The following IQCM variants were observed in gnomAD, a reference collection of about 807,000 sequenced individuals.
The protein encoded by IQCM is IQ domain-containing protein M.
Under a neutral mutation model 57.6 loss-of-function variants are expected in IQCM, and 45 were observed. The observed-to-expected ratio is 0.78, with a 90% CI of 0.62 to 1.00. The LOEUF is 1.00. Ranked by LOEUF, IQCM falls within the 50% of genes least tolerant of loss-of-function variation. The pLI is 0.00. For missense variants in IQCM, 468 were observed against 511.6 expected (o/e 0.91, Z 0.82); for synonymous variants, 148 against 158.9 (o/e 0.93, Z 0.51).
intron 12 of IQCM, among the ~76,000 whole-genome samples, chr4:149,512,455 T>C (rs1744526750): frequency 6.6e-6 from 1 of 152,214 alleles, no homozygotes; most frequent in South Asian, 2.1e-4. Flanking sequence ...CAGATACTTA[T>C]TTAGCTTAAC....
chr4:149,408,637 T>C (rs1215381326), intron 13 of IQCM, among the ~76,000 whole-genome samples: 1 of 152,196 alleles, frequency 6.6e-6, no homozygotes, highest in African/African-American at 2.4e-5. Flanking sequence ...GTTCCAAATA[T>C]GTTTTTGATT....
intron 5 of IQCM, among the ~76,000 whole-genome samples, chr4:149,715,652 T>C (rs1236778498): frequency 1.3e-5 from 2 of 152,204 alleles, no homozygotes; most frequent in African/African-American, 2.4e-5. Flanking sequence ...CCGGAGTTCT[T>C]GTCCCATGTC....
intron 9 of IQCM, among the ~76,000 whole-genome samples, chr4:149,586,474 T>C (rs1452307287): frequency 6.6e-6 from 1 of 151,674 alleles, no homozygotes; most frequent in Non-Finnish European, 1.5e-5. Context: ...CTGATATTGG[T>C]AATTTGTGTT....
At chr4:149,663,869 C>G (rs1222129166) in intron 7 of IQCM, among the ~76,000 whole-genome samples, 1 of 152,046 alleles carries the variant, frequency 6.6e-6, no homozygotes, top group African/African-American at 2.4e-5. Context: ...ATGATCATGT[C>G]TTTCCCTAGA....
At chr4:149,421,305 T>G (rs938689626) in intron 13 of IQCM, among the ~76,000 whole-genome samples, 1 of 152,138 alleles carries the variant, frequency 6.6e-6, no homozygotes. Flanking sequence ...AATTATTTTT[T>G]GCACAGATAT....
At chr4:149,372,372 T>A (rs1403075311) in intron 13 of IQCM, among the ~76,000 whole-genome samples, 1 of 152,146 alleles carries the variant, frequency 6.6e-6, no homozygotes, top group Non-Finnish European at 1.5e-5. Flanking sequence ...AGGTGTTCCA[T>A]GAATTTTAGA....
At chr4:149,759,669 A>T (rs1282282861) in intron 2 of IQCM, among the ~76,000 whole-genome samples, 2 of 152,116 alleles carry the variant, frequency 1.3e-5, no homozygotes, top group Non-Finnish European at 2.9e-5. Context: ...TCATTTTTTT[A>T]AAAAAGAATA....
At chr4:149,484,250 C>A (rs958974581) in intron 12 of IQCM, among the ~76,000 whole-genome samples, 40 of 151,894 alleles carry the variant, frequency 2.6e-4, no homozygotes, top group African/African-American at 9.6e-4. Context: ...GTTTTTTCAT[C>A]CATTCAGCCG....
At chr4:149,707,236 A>G (rs1399039056) in intron 5 of IQCM, among the ~76,000 whole-genome samples, 1 of 152,082 alleles carries the variant, frequency 6.6e-6, no homozygotes, top group East Asian at 1.9e-4. Flanking sequence ...AGTGCCTGCC[A>G]TGTCATTTAT....
intron 2 of IQCM, among the ~76,000 whole-genome samples, chr4:149,744,542 A>G (rs913154637): frequency 6.6e-6 from 1 of 152,160 alleles, no homozygotes; most frequent in Non-Finnish European, 1.5e-5. Flanking sequence ...CTTTTAATGC[A>G]AAAAACTAGC....
At chr4:149,463,614 G>A (rs973659772) in intron 12 of IQCM, among the ~76,000 whole-genome samples, 2 of 152,140 alleles carry the variant, frequency 1.3e-5, no homozygotes, top group African/African-American at 4.8e-5. Flanking sequence ...TTATGAAATT[G>A]TGATGGCTAA....
At chr4:149,432,622 A>T (rs1734978460) in intron 13 of IQCM, among the ~76,000 whole-genome samples, 1 of 152,016 alleles carries the variant, frequency 6.6e-6, no homozygotes, top group Non-Finnish European at 1.5e-5. Context: ...ATAAAGAAAC[A>T]CATAGTAAAT....
chr4:149,790,196 G>A (rs1200067364), intron 2 of IQCM: 1 of 391,232 alleles, frequency 2.6e-6, no homozygotes, highest in Non-Finnish European at 4.8e-6. Context: ...AGAACATGAA[G>A]AATATTGAAC....
chr4:149,403,921 T>C (rs1484328936), intron 13 of IQCM, among the ~76,000 whole-genome samples: 1 of 151,974 alleles, frequency 6.6e-6, no homozygotes, highest in African/African-American at 2.4e-5. Flanking sequence ...AAGAGTGAAT[T>C]AGTTAGGAAG....
chr4:149,705,414 G>A (rs1369721126), intron 5 of IQCM, among the ~76,000 whole-genome samples: 1 of 151,124 alleles, frequency 6.6e-6, no homozygotes, highest in Admixed American at 6.6e-5. Context: ...AAGTCAAAAG[G>A]CATAGACAGC....
In IQCM at chr4:149,606,201, C is replaced by T. The variant is rs182589004; in HGVS notation, c.681+14928G>A. ...GCCATTTGTGATGGCCATGGGAATA[C>T]CAGCATCACCCCTCCCCCAGCTCCA... On this transcript the variant is annotated intron_variant, in intron 8 of 13. Coordinates refer to ENST00000636793, the MANE Select transcript of IQCM (RefSeq NM_001363507.2). Among the ~76,000 whole-genome samples, 290 of 152,252 alleles carry T rather than the reference C, an allele frequency of 1.9e-3. 6 individuals carry two copies. The highest frequency in any genetic ancestry group is 0.016 in the Admixed American group (244 of 15,288).
intron 2 of IQCM, among the ~76,000 whole-genome samples, chr4:149,777,612 C>T (rs1235892084): frequency 1.3e-5 from 2 of 152,106 alleles, no homozygotes; most frequent in African/African-American, 2.4e-5. Context: ...AACAGGCATA[C>T]GTGACCAAAA....
At chr4:149,490,291 T>C (rs989156145) in intron 12 of IQCM, among the ~76,000 whole-genome samples, 2 of 152,026 alleles carry the variant, frequency 1.3e-5, no homozygotes, top group Non-Finnish European at 2.9e-5. Context: ...TGAAACCAAG[T>C]GTCACATTCT....
intron 2 of IQCM, among the ~76,000 whole-genome samples, chr4:149,783,120 T>G (rs997535710): frequency 6.6e-6 from 1 of 152,230 alleles, no homozygotes; most frequent in Non-Finnish European, 1.5e-5. Context: ...TCTATCTAAC[T>G]ACTTTCTCCA....
Sources: gnomAD v4.1 joint callset for allele counts (sites outside exome capture counted in the v4.1 genomes callset) on GRCh38, gnomAD v4.1.1 for gene constraint, MANE v1.5 for transcripts, NCBI Gene and HGNC (gene_info 2026-07-23, HGNC 2026-07-21) for gene names.